NFIB: variants seen among roughly 807,000 people sequenced by gnomAD.
NFIB encodes the protein nuclear factor 1 B-type.
Under a neutral mutation model 61.5 loss-of-function variants are expected in NFIB, and 11 were observed. That is an observed-to-expected ratio of 0.18 (90% CI 0.11 to 0.30). The LOEUF (loss-of-function observed/expected upper bound fraction) is 0.30, where lower values mean the gene tolerates loss of function less well. NFIB is among the 10% of genes least tolerant of loss of function. The probability of loss-of-function intolerance (pLI) is 1.00; values close to 1 mark genes in which losing one functional copy is unlikely to be tolerated. For synonymous variants in NFIB, 260 were observed against 216.5 expected (o/e 1.20, Z -1.76); for missense variants, 471 against 608.9 (o/e 0.77, Z 2.38).
chr9:14,397,927 A>G (rs774004017), intron 1 of NFIB, among the ~76,000 whole-genome samples: 1 of 152,154 alleles, frequency 6.6e-6, no homozygotes, highest in Non-Finnish European at 1.5e-5. Context: ...TGGTTTTCTC[A>G]TGTCGCCTGG....
chr9:14,435,543 T>A, the NFIB span, among the ~76,000 whole-genome samples: 3 of 152,224 alleles, frequency 2.0e-5, no homozygotes, highest in African/African-American at 7.2e-5. Context: ...GTTAAACAGA[T>A]AAGTACATGT....
intron 1 of NFIB, among the ~76,000 whole-genome samples, chr9:14,377,111 A>T (rs145046160): frequency 1.8e-4 from 27 of 152,342 alleles, no homozygotes; most frequent in Admixed American, 1.0e-3. Context: ...TATTGAAGAG[A>T]TATACTCTGC....
At chr9:14,282,173 C>T (rs1004309217) in intron 2 of NFIB, among the ~76,000 whole-genome samples, 1 of 152,050 alleles carries the variant, frequency 6.6e-6, no homozygotes, top group African/African-American at 2.4e-5. Flanking sequence ...ATATTTAAAC[C>T]ATTCCCTTAC....
intron 2 of NFIB, among the ~76,000 whole-genome samples, chr9:14,273,599 T>C (rs2057779354): frequency 6.6e-6 from 1 of 151,994 alleles, no homozygotes; most frequent in Non-Finnish European, 1.5e-5. Flanking sequence ...AAAAAGTAAA[T>C]AAATTATTTT....
intron 1 of NFIB, among the ~76,000 whole-genome samples, chr9:14,346,288 A>ACCCCCCCCCCCC (rs1455937583): frequency 1.4e-5 from 1 of 71,950 alleles, no homozygotes; most frequent in Admixed American, 1.5e-4. Context: ...GAGGTAACCG[A>ACCCCCCCCCCCC]CACCCCCCCC....
chr9:14,150,903 T>C (rs1321746485), intron 4 of NFIB, among the ~76,000 whole-genome samples: 17 of 152,136 alleles, frequency 1.1e-4, no homozygotes, highest in Admixed American at 9.8e-4. Flanking sequence ...TTATTATGCA[T>C]TGTATGTCTT....
At chr9:14,361,160 G>C (rs1234042708) in intron 1 of NFIB, 1 of 150,702 alleles carries the variant, frequency 6.6e-6, no homozygotes, top group Non-Finnish European at 1.5e-5. Context: ...TGAATTCCCA[G>C]TCAACTTTTT....
intron 3 of NFIB, among the ~76,000 whole-genome samples, chr9:14,157,595 ATTT>A (rs2043586639): frequency 6.6e-6 from 1 of 152,164 alleles, no homozygotes; most frequent in African/African-American, 2.4e-5. Context: ...TGAGCAATTA[ATTT>A]TTACCAGGTT....
At chr9:14,316,417 G>C (rs536193916), upstream of NFIB, among the ~76,000 whole-genome samples, 2 of 152,286 alleles carry the variant, frequency 1.3e-5, no homozygotes, top group Admixed American at 6.5e-5. Context: ...CGGGGAGATC[G>C]CGCGGACCCC....
chr9:14,429,646 G>C, the NFIB span, among the ~76,000 whole-genome samples: 1 of 152,194 alleles, frequency 6.6e-6, no homozygotes, highest in Non-Finnish European at 1.5e-5. Flanking sequence ...AATTGCAGCA[G>C]CTGTTGGTGG....
At chr9:14,399,335 T>C (rs149578785), upstream of NFIB, among the ~76,000 whole-genome samples, 951 of 152,302 alleles carry the variant, frequency 6.2e-3, 8 homozygotes, top group African/African-American at 0.021. Context: ...CCAAGACAAG[T>C]CTTCTGAAAT....
At chr9:14,512,954 A>G in the NFIB span, among the ~76,000 whole-genome samples, 1 of 147,380 alleles carries the variant, frequency 6.8e-6, no homozygotes, top group Non-Finnish European at 1.5e-5. Context: ...AAAAAAGATT[A>G]GAGAAAATTC....
rs2032221335 is a variant in NFIB at position 14,082,836 on chromosome 9, C to T, written c.*5473G>A. 1 of 205,926 alleles carries T rather than the reference C, an allele frequency of 4.9e-6. No individual in the cohort carries two copies. Among genetic ancestry groups the T allele is most frequent in the Non-Finnish European group, 9.9e-6 (1 of 100,932 alleles). 12.8% of individuals were successfully genotyped at this position (205,926 alleles called of 1,614,324 possible). On this transcript the variant is annotated 3_prime_UTR_variant, in exon 11 of 11. Transcript: ENST00000380953. ...AAGAGATATATTTGCCACATCAGTCCCTGTAGCACAGTTTTCAAAACCATT... is the reference window on the plus strand; with the variant it reads ...AAGAGATATATTTGCCACATCAGTCTCTGTAGCACAGTTTTCAAAACCATT...
At chr9:14,150,995 T>C (rs1455396342) in intron 4 of NFIB, among the ~76,000 whole-genome samples, 2 of 152,142 alleles carry the variant, frequency 1.3e-5, no homozygotes, top group African/African-American at 2.4e-5. Flanking sequence ...TGAACAAAGC[T>C]GTGAGGCAGC....
At chr9:14,236,857 A>T (rs1005421757) in intron 2 of NFIB, among the ~76,000 whole-genome samples, 11 of 151,956 alleles carry the variant, frequency 7.2e-5, no homozygotes, top group East Asian at 1.9e-4. Context: ...CTTTAAAAAA[A>T]AAAAAATAAA....
rs140442409 is a variant in NFIB at position 14,289,712 on chromosome 9, T to C, written c.562+17277A>G. 1.0e-3 allele frequency among the ~76,000 whole-genome samples: 158 copies of C among 152,146 alleles called. 1 individual carries two copies. Among genetic ancestry groups the C allele is most frequent in the Admixed American group, 1.7e-3 (26 of 15,268 alleles). On this transcript the variant is annotated intron_variant, in intron 2 of 10. Coordinates refer to ENST00000380953, the MANE Select transcript of NFIB (RefSeq NM_001190737.2). ...GGATTATTATCCAGGGACTTAATTA[T>C]ATTACCAGTGAAATGATTTTTTAAA...
chr9:14,458,010 C>T, the NFIB span, among the ~76,000 whole-genome samples: 1 of 152,292 alleles, frequency 6.6e-6, no homozygotes, highest in Non-Finnish European at 1.5e-5. Context: ...CTCCCTAATT[C>T]ACTTTATGAG....
chr9:14,115,236 T>G (rs938050065), intron 9 of NFIB, among the ~76,000 whole-genome samples: 9 of 152,048 alleles, frequency 5.9e-5, no homozygotes, highest in Admixed American at 2.0e-4. Context: ...TGCCTCTGAT[T>G]GTCTCTGATT....
At chr9:14,468,938 T>G in the NFIB span, among the ~76,000 whole-genome samples, 4 of 152,146 alleles carry the variant, frequency 2.6e-5, no homozygotes, top group African/African-American at 9.7e-5. Context: ...CACTCTCATA[T>G]CCTCTTTCCT....
Sources: allele counts gnomAD v4.1 joint callset (sites outside exome capture counted in the v4.1 genomes callset), GRCh38; gene constraint gnomAD v4.1.1; transcripts MANE v1.5; gene names NCBI Gene and HGNC (gene_info 2026-07-23, HGNC 2026-07-21).